ZNF175: variants seen among roughly 807,000 people sequenced by gnomAD.
ZNF175 encodes zinc finger protein OTK18.
A neutral mutation model predicts 14.0 loss-of-function variants in ZNF175; 8 were observed. The ratio of observed to expected loss-of-function variants is 0.57; its 90% CI spans 0.34 to 1.03. The LOEUF (loss-of-function observed/expected upper bound fraction) is 1.03. Ranked by LOEUF, ZNF175 falls within the 50% of genes least tolerant of loss-of-function variation. ZNF175 has a pLI of 0.03. For missense variants in ZNF175, 764 were observed against 849.5 expected, an observed-to-expected ratio of 0.90 and a Z score of 1.25; for synonymous variants, 255 against 296.8, an observed-to-expected ratio of 0.86 and a Z score of 1.45.
intron 1 of ZNF175, among the ~76,000 whole-genome samples, chr19:51,572,031 G>A (rs1981604222): frequency 6.6e-6 from 1 of 152,194 alleles, no homozygotes; most frequent in African/African-American, 2.4e-5. Context: ...GTGGGTCAGT[G>A]TTGGCCTCTT....
rs927632200 is a variant in ZNF175 at position 51,575,098 on chromosome 19, C to G, written c.72+1697C>G. ...TAATTTGCATTACTTTGTTTACAAACAGGCTTTTTTTTCATAATTTTATTG... is the reference window on the plus strand; with the variant it reads ...TAATTTGCATTACTTTGTTTACAAAGAGGCTTTTTTTTCATAATTTTATTG... On this transcript the variant is annotated intron_variant, in intron 2 of 4. Coordinates refer to ENST00000262259, the MANE Select transcript of ZNF175 (RefSeq NM_007147.4). Among the ~76,000 whole-genome samples the G allele has an allele frequency of 4.0e-5, 6 of 151,666 alleles. No individual in the cohort carries two copies. The East Asian group carries it at 1.2e-3, about 29-fold the overall frequency.
rs1982347821 is a variant in ZNF175 at position 51,591,713 on chromosome 19, T to G, written c.*3246T>G. 1 of 151,738 alleles carries G rather than the reference T, an allele frequency of 6.6e-6. No individual in the cohort carries two copies. The highest frequency in any genetic ancestry group is 1.9e-4 in the East Asian group (1 of 5,182). 9.4% of individuals were successfully genotyped at this position (151,738 alleles called of 1,614,324 possible). A position where few individuals can be genotyped will look rare whatever the true frequency, so the allele number is the denominator to read the frequency against. ...AAGCCTGGATTTGAACCAAGCTATC[T>G]GATGCCAGTGTTTTAACTCTCAACC... On this transcript the variant is annotated 3_prime_UTR_variant, in exon 5 of 5. Transcript: ENST00000262259.
intron 2 of ZNF175, among the ~76,000 whole-genome samples, chr19:51,579,714 C>T (rs776280163): frequency 2.6e-5 from 4 of 152,112 alleles, no homozygotes; most frequent in Non-Finnish European, 5.9e-5. Flanking sequence ...CTACTAAAGG[C>T]GAGCATGTTT....
rs1017809568 is a variant in ZNF175, at chr19:51,590,682, G to A, written c.*2215G>A. On this transcript the variant is annotated 3_prime_UTR_variant, in exon 5 of 5. Transcript: ENST00000262259. Reference sequence around the variant, plus strand: ...TCTCACTGGCCTCTCCCTGTCCAGGGGCGTAGTATCAGTGACCATGTCCCA... The same window carrying A: ...TCTCACTGGCCTCTCCCTGTCCAGGAGCGTAGTATCAGTGACCATGTCCCA... 3.3e-4 allele frequency: 51 copies of A among 152,322 alleles called. No individual in the cohort carries two copies. The highest frequency in any genetic ancestry group is 1.2e-3 in the African/African-American group (48 of 41,408). 9.4% of individuals were successfully genotyped at this position (152,322 alleles called of 1,614,324 possible).
chr19:51,577,931 G>A (rs1326592900), intron 2 of ZNF175, among the ~76,000 whole-genome samples: 1 of 150,804 alleles, frequency 6.6e-6, no homozygotes, highest in Non-Finnish European at 1.5e-5. Context: ...CCAAAGTGCT[G>A]GGATTACAGG....
rs765367796 is a variant in ZNF175, at chr19:51,581,800, C to T, written c.213C>T (p.Pro71=). 6.2e-7 allele frequency: 1 copy of T among 1,613,848 alleles called. No homozygotes were observed. The highest frequency in any genetic ancestry group is 1.7e-5 in the Admixed American group (1 of 60,008). ...TCTAATTAACAGGGTATCACATTCC[C>T]AACCCAGAGGTCATCTTCAGAATGC... The part of the protein sequence containing the change: ...SHLFAVGYHI[P]NPEVIFRMLK... Residue 71 remains proline, a synonymous_variant, in exon 4 of 5, where the codon CCC becomes CCT. Transcript: ENST00000262259.
chr19:51,581,228 CTT>C (rs1981988408), intron 2 of ZNF175, 161 bp from the exon 3 acceptor site: 7 of 1,004,620 alleles, frequency 7.0e-6, no homozygotes, highest in Non-Finnish European at 8.7e-6. Context: ...GGATATTTCT[CTT>C]ATTTTTTTTT....
At chr19:51,583,254 T>C (rs1031456924) in intron 4 of ZNF175, among the ~76,000 whole-genome samples, 2 of 152,220 alleles carry the variant, frequency 1.3e-5, no homozygotes, top group Admixed American at 1.3e-4. Context: ...TCAGTACCTC[T>C]AGTCCCTGTG....
rs183684894 is a variant in ZNF175 at position 51,588,629 on chromosome 19, G to C, written c.*162G>C. 1.3e-6 allele frequency: 1 copy of C among 763,984 alleles called. No individual in the cohort carries two copies. Among genetic ancestry groups the C allele is most frequent in the African/African-American group, 1.8e-5 (1 of 55,134 alleles). The allele number at this position is 763,984 out of a possible 1,614,324, so 47.3% of individuals were successfully genotyped here. The stretch of plus-strand genomic sequence containing the variant: ...TGTGAACACATGATAAAAAAGTCAT[G>C]CTTTATTTTAGTGAGGGCAATTACA... On this transcript the variant is annotated 3_prime_UTR_variant, in exon 5 of 5. Coordinates refer to ENST00000262259, the MANE Select transcript of ZNF175 (RefSeq NM_007147.4).
At chr19:51,585,521 T>TAA (rs1333059077) in intron 4 of ZNF175, among the ~76,000 whole-genome samples, 3 of 151,724 alleles carry the variant, frequency 2.0e-5, no homozygotes, top group Non-Finnish European at 2.9e-5. Flanking sequence ...GTCCTTTTTT[T>TAA]AAAAAAAGAA....
chr19:51,581,398 T>C lies in ZNF175; in HGVS notation c.80T>C (p.Val27Ala), dbSNP rs1443705419. The change falls in exon 3 of 5, where the codon GTG becomes GCG. Residue 27 changes from valine (V) to alanine (A), a missense_variant. Coordinates refer to ENST00000262259, the MANE Select transcript of ZNF175 (RefSeq NM_007147.4). ...EKQDGSCEAS[V>A]SFEDVTVDFS... is the part of the protein sequence containing the mutation. Reference sequence around the variant, plus strand: ...TGGGGTACACTGTTACAGGCATCAGTGTCATTTGAGGACGTGACCGTGGAC... The same window carrying C: ...TGGGGTACACTGTTACAGGCATCAGCGTCATTTGAGGACGTGACCGTGGAC... 4 of 1,614,006 alleles carry C rather than the reference T, an allele frequency of 2.5e-6. No homozygotes were observed. In the African/African-American group the frequency reaches 4.0e-5, roughly 16 times the overall value.
intron 2 of ZNF175, among the ~76,000 whole-genome samples, chr19:51,575,453 G>A (rs546436565): frequency 4.6e-5 from 7 of 152,000 alleles, no homozygotes; most frequent in Non-Finnish European, 8.8e-5. Flanking sequence ...TCCTGACCTC[G>A]TGATCCGCCT....
At position 51,589,259 on chromosome 19, in the gene ZNF175, TGTATGTATGC is replaced by T; in HGVS notation, c.*802_*811del. On this transcript the variant is annotated 3_prime_UTR_variant, in exon 5 of 5. Transcript: ENST00000262259. ...ATGTATATGGTCTGGTCAGCATATG[TGTATGTATGC>T]GTATGTATGTATGTATGTATGCCCT... is the stretch of plus-strand genomic sequence containing the variant. The T allele has an allele frequency of 7.3e-6, 3 of 408,954 alleles. No individual in the cohort carries two copies. Among genetic ancestry groups the T allele is most frequent in the Non-Finnish European group, 4.2e-6 (1 of 236,020 alleles). The allele number at this position is 408,954 out of a possible 1,614,324, so 25.3% of individuals were successfully genotyped here.
Position 51,588,458 on chromosome 19 carries a change from C to G in ZNF175, c.2127C>G (p.Thr709=). Residue 709 remains threonine, a synonymous_variant, in exon 5 of 5, where the codon ACC becomes ACG. Coordinates refer to ENST00000262259, the MANE Select transcript of ZNF175 (RefSeq NM_007147.4). ...GCAGTTATTCTGTGAAAGGCTTTAC[C>G]AAGCAATGAATTCCTAGTGCATCAG... ...YKCSYSVKGF[T]KQ is the part of the protein sequence containing the mutation. The G allele has an allele frequency of 6.5e-7, 1 of 1,546,230 alleles. No homozygotes were observed. The highest frequency in any genetic ancestry group is 8.7e-7 in the Non-Finnish European group (1 of 1,152,082).
Position 51,592,492 on chromosome 19 carries a change from G to C in ZNF175, c.*4025G>C, listed in dbSNP as rs1003929648. On this transcript the variant is annotated 3_prime_UTR_variant, in exon 5 of 5. Coordinates refer to ENST00000262259, the MANE Select transcript of ZNF175 (RefSeq NM_007147.4). ...GGAATTTCATTAAATCTGAAATAAA[G>C]GTATTTTGAGAAATTGAATTCCGTT... is the stretch of plus-strand genomic sequence containing the variant. 1 of 557,424 alleles carries C rather than the reference G, an allele frequency of 1.8e-6. No homozygotes were observed. Among genetic ancestry groups the C allele is most frequent in the Non-Finnish European group, 3.1e-6 (1 of 318,074 alleles). 34.5% of individuals were successfully genotyped at this position (557,424 alleles called of 1,614,324 possible).
In ZNF175 at chr19:51,588,154, C is replaced by G; in HGVS notation, c.1823C>G (p.Thr608Ser). ...TCAAATTTCCATAAACATCAAATAA[C>G]TCACACTAGAGAGAGGCCTTTTGTC... Reference protein sequence around the residue: ...GRSNFHKHQITHTRERPFVCY... With the variant: ...GRSNFHKHQISHTRERPFVCY... Residue 608 changes from threonine to serine, a missense_variant, in exon 5 of 5, where the codon ACT becomes AGT. Coordinates refer to ENST00000262259, the MANE Select transcript of ZNF175 (RefSeq NM_007147.4). The G allele has an allele frequency of 6.2e-7, 1 of 1,614,078 alleles. No homozygotes were observed. The highest frequency in any genetic ancestry group is 8.5e-7 in the Non-Finnish European group (1 of 1,179,996).
At chr19:51,578,751 A>G (rs1981895628) in intron 2 of ZNF175, among the ~76,000 whole-genome samples, 1 of 152,180 alleles carries the variant, frequency 6.6e-6, no homozygotes, top group African/African-American at 2.4e-5. Context: ...TGGGTGACAG[A>G]GTGACATCCT....
intron 1 of ZNF175, among the ~76,000 whole-genome samples, chr19:51,572,228 G>T (rs1981614470): frequency 6.6e-6 from 1 of 152,230 alleles, no homozygotes. Flanking sequence ...TCAGAAGCCT[G>T]TGCCATGTCA....
At chr19:51,582,237 C>T (rs1050771133) in intron 4 of ZNF175, among the ~76,000 whole-genome samples, 1 of 152,222 alleles carries the variant, frequency 6.6e-6, no homozygotes, top group African/African-American at 2.4e-5. Flanking sequence ...TTGGCATTAA[C>T]AAAATTGGTG....
Sources: allele counts gnomAD v4.1 joint callset (sites outside exome capture counted in the v4.1 genomes callset), GRCh38; gene constraint gnomAD v4.1.1; transcripts MANE v1.5; gene names NCBI Gene and HGNC (gene_info 2026-07-23, HGNC 2026-07-21).